KALRN: variants seen among roughly 807,000 people sequenced by gnomAD.
The protein encoded by KALRN is kalirin RhoGEF kinase, also known as kalirin.
KALRN carries 70 observed loss-of-function variants against 353.7 expected under a neutral mutation model. That is an observed-to-expected ratio of 0.20 (90% CI 0.16 to 0.24). The LOEUF is 0.24. KALRN is among the 10% of genes least tolerant of loss of function. KALRN has a pLI of 1.00. For synonymous variants in KALRN, 1,391 were observed against 1,434.8 expected (o/e 0.97, Z 0.69); for missense variants, 2,791 against 3,756.7 (o/e 0.74, Z 6.72).
chr3:124,188,752 A>C (rs1357624953), intron 1 of KALRN, among the ~76,000 whole-genome samples: 1 of 152,184 alleles, frequency 6.6e-6, no homozygotes, highest in Admixed American at 6.5e-5. Context: ...AGTTTCATGG[A>C]TGCTGGCAGA....
At chr3:124,714,921 CAGG>C (rs2063064281) in intron 58 of KALRN, among the ~76,000 whole-genome samples, 1 of 150,128 alleles carries the variant, frequency 6.7e-6, no homozygotes, top group African/African-American at 2.5e-5. Context: ...GAGGCTGAGG[CAGG>C]AGAATTGCTT....
intron 1 of KALRN, among the ~76,000 whole-genome samples, chr3:124,187,755 G>A (rs2074406442): frequency 6.6e-6 from 1 of 152,152 alleles, no homozygotes; most frequent in Non-Finnish European, 1.5e-5. Context: ...TACAATGTGG[G>A]GGTAGATTTC....
At chr3:124,118,568 G>A (rs562998488) in intron 1 of KALRN, among the ~76,000 whole-genome samples, 125 of 152,308 alleles carry the variant, frequency 8.2e-4, no homozygotes, top group South Asian at 8.1e-3. Flanking sequence ...CCCTCACGTG[G>A]GCTCTGGAGA....
At chr3:124,539,929 G>A (rs1397277159) in intron 33 of KALRN, among the ~76,000 whole-genome samples, 3 of 101,746 alleles carry the variant, frequency 2.9e-5, no homozygotes, top group Non-Finnish European at 6.0e-5. Context: ...TTTTGGGGGG[G>A]GGGACAGGGT....
intron 57 of KALRN, among the ~76,000 whole-genome samples, chr3:124,709,304 G>T (rs1164086604): frequency 6.6e-6 from 1 of 152,128 alleles, no homozygotes; most frequent in East Asian, 1.9e-4. Context: ...TTTAGACAGA[G>T]TCTTGCTCTT....
chr3:124,366,886 A>T (rs1576326786), intron 10 of KALRN, among the ~76,000 whole-genome samples: 2 of 111,318 alleles, frequency 1.8e-5, no homozygotes, highest in Admixed American at 8.6e-5. Context: ...CGGGGGGCTG[A>T]CCCCCCCACC....
chr3:124,219,676 C>T (rs544122366), intron 1 of KALRN, among the ~76,000 whole-genome samples: 2 of 152,288 alleles, frequency 1.3e-5, no homozygotes, highest in East Asian at 1.9e-4. Flanking sequence ...CTCTGCTGCA[C>T]CATCCCTCCT....
At chr3:124,136,473 T>C (rs1218740953) in intron 1 of KALRN, among the ~76,000 whole-genome samples, 1 of 152,144 alleles carries the variant, frequency 6.6e-6, no homozygotes, top group Non-Finnish European at 1.5e-5. Context: ...GACTGAATTT[T>C]ACCAAATTGC....
chr3:124,564,408 G>T (rs2072526407), intron 34 of KALRN, among the ~76,000 whole-genome samples: 1 of 152,042 alleles, frequency 6.6e-6, no homozygotes, highest in South Asian at 2.1e-4. Flanking sequence ...AAAGTTAAAA[G>T]CCAGGTACAG....
At chr3:124,292,034 AT>A (rs763293912) in intron 5 of KALRN, among the ~76,000 whole-genome samples, 13 of 152,202 alleles carry the variant, frequency 8.5e-5, no homozygotes, top group Non-Finnish European at 1.6e-4. Context: ...GAGATGTCAC[AT>A]TCTTTCAGTA....
chr3:124,666,428 C>T (rs1440505819), intron 45 of KALRN, 21 bp from the exon 46 acceptor site: 3 of 1,612,074 alleles, frequency 1.9e-6, no homozygotes, highest in Non-Finnish European at 2.5e-6. Flanking sequence ...TTCACTTCAC[C>T]CCAGCCCGTC....
chr3:124,409,228 G>T (rs149049597), intron 13 of KALRN, among the ~76,000 whole-genome samples: 88 of 152,308 alleles, frequency 5.8e-4, no homozygotes, highest in African/African-American at 2.0e-3. Flanking sequence ...AGCAAAATAG[G>T]TTGACTGAAA....
intron 55 of KALRN, 59 bp from the exon 56 acceptor site, chr3:124,699,810 C>T: frequency 6.5e-7 from 1 of 1,539,770 alleles, no homozygotes; most frequent in Non-Finnish European, 8.9e-7. Context: ...TGCTGAAGGT[C>T]TTTGAAACAA....
At chr3:124,140,464 A>C (rs897643432) in intron 1 of KALRN, among the ~76,000 whole-genome samples, 1 of 152,194 alleles carries the variant, frequency 6.6e-6, no homozygotes, top group Admixed American at 6.5e-5. Context: ...TGAGGATGGA[A>C]TTCAGTTCAA....
chr3:124,282,373 A>T (rs181424388), intron 5 of KALRN, among the ~76,000 whole-genome samples: 181 of 125,780 alleles, frequency 1.4e-3, no homozygotes, highest in African/African-American at 4.5e-3. Context: ...TCTGCCCTAC[A>T]TTTTTCTTTT....
intron 10 of KALRN, among the ~76,000 whole-genome samples, chr3:124,353,946 T>C (rs1201548236): frequency 6.6e-6 from 1 of 152,180 alleles, no homozygotes; most frequent in Non-Finnish European, 1.5e-5. Context: ...GAGAAGTTAC[T>C]GGTATGAGCT....
At chr3:124,169,842 C>T (rs1433461179) in intron 1 of KALRN, among the ~76,000 whole-genome samples, 1 of 152,124 alleles carries the variant, frequency 6.6e-6, no homozygotes, top group Non-Finnish European at 1.5e-5. Flanking sequence ...GGAGTAGTGA[C>T]TTGCTGGAGT....
In KALRN at chr3:124,334,099, G is replaced by A. The variant is rs1308343621; in HGVS notation, c.1417-166G>A. ...CAGCTGCTCTGCCCTCCACCAGGCC[G>A]GAGGATGGGCCCCATGGCAGCTCTG... On this transcript the variant is annotated intron_variant, in intron 8 of 59. Transcript: ENST00000682506. The surrounding 1 kb of genome is among the most constrained non-coding windows in gnomAD (Gnocchi z 4.2). 2.0e-5 allele frequency among the ~76,000 whole-genome samples: 3 copies of A among 152,198 alleles called. No individual in the cohort carries two copies. Among genetic ancestry groups the A allele is most frequent in the Non-Finnish European group, 4.4e-5 (3 of 68,030 alleles).
At chr3:124,619,218 G>A (rs1426116224) in intron 34 of KALRN, among the ~76,000 whole-genome samples, 1 of 151,502 alleles carries the variant, frequency 6.6e-6, no homozygotes, top group Non-Finnish European at 1.5e-5. Context: ...TGCCTTCCAG[G>A]TTCATCCAAG....
Sources: allele counts gnomAD v4.1 joint callset (sites outside exome capture counted in the v4.1 genomes callset), GRCh38; gene constraint gnomAD v4.1.1; non-coding constraint Gnocchi (gnomAD v3.1); transcripts MANE v1.5; gene names NCBI Gene and HGNC (gene_info 2026-07-23, HGNC 2026-07-21).